The following ANKAR variants were observed in gnomAD, a reference collection of about 807,000 sequenced individuals.
The protein encoded by ANKAR is ankyrin and armadillo repeat containing.
In ANKAR, 136 loss-of-function variants were observed where a neutral mutation model predicts 146.2. The observed-to-expected ratio is 0.93, with a 90% CI of 0.81 to 1.07. The LOEUF (loss-of-function observed/expected upper bound fraction) is 1.07. Ranked by LOEUF, ANKAR falls within the 50% of genes least tolerant of loss-of-function variation. The pLI is 0.00. For missense variants in ANKAR, 1,567 were observed against 1,679.9 expected (o/e 0.93, Z 1.18); for synonymous variants, 500 against 575.8 (o/e 0.87, Z 1.88).
chr2:189,699,044 A>G (rs900334665), intron 7 of ANKAR, among the ~76,000 whole-genome samples: 1 of 152,162 alleles, frequency 6.6e-6, no homozygotes, highest in African/African-American at 2.4e-5. Flanking sequence ...AAAGCTCCAT[A>G]AAGGACAAGG....
intron 22 of ANKAR, among the ~76,000 whole-genome samples, chr2:189,745,952 GT>G (rs1249929153): frequency 6.6e-6 from 1 of 152,034 alleles, no homozygotes; most frequent in Non-Finnish European, 1.5e-5. Context: ...TTTAACACTG[GT>G]TTCTAAACAA....
chr2:189,709,952 A>G (rs1335792063), intron 9 of ANKAR, among the ~76,000 whole-genome samples: 1 of 152,192 alleles, frequency 6.6e-6, no homozygotes, highest in Non-Finnish European at 1.5e-5. Context: ...TTGTGGGGGA[A>G]GTCCTGACAA....
intron 5 of ANKAR, 134 bp from the exon 6 acceptor site, chr2:189,694,847 C>A: frequency 2.0e-6 from 1 of 512,172 alleles, no homozygotes; most frequent in South Asian, 5.1e-5. Context: ...AATATACTTA[C>A]AGTTGACTAC....
chr2:189,716,381 G>A (rs543779926), intron 10 of ANKAR, among the ~76,000 whole-genome samples: 2,774 of 151,930 alleles, frequency 0.018, 98 homozygotes, highest in African/African-American at 0.064. Flanking sequence ...CCAACTTACA[G>A]GGGATGTGAA....
At chr2:189,751,397 T>C (rs891142625), downstream of ANKAR, among the ~76,000 whole-genome samples, 8 of 151,830 alleles carry the variant, frequency 5.3e-5, no homozygotes, top group African/African-American at 9.7e-5. Context: ...ATGTAATTCA[T>C]ATATAGCACA....
rs192655210 is a variant in ANKAR, at chr2:189,721,433, A to G, written c.2635+646A>G. Among the ~76,000 whole-genome samples the G allele has an allele frequency of 3.8e-3, 585 of 152,336 alleles. 2 individuals are homozygous for G. Among genetic ancestry groups the G allele is most frequent in the Non-Finnish European group, 6.4e-3 (434 of 68,024 alleles). ...ATACATATAATATGCCTAGGAGAGTATATGCTACCTTGGGTGAATAGTACA... is the reference window on the plus strand; with the variant it reads ...ATACATATAATATGCCTAGGAGAGTGTATGCTACCTTGGGTGAATAGTACA... On this transcript the variant is annotated intron_variant, in intron 12 of 22. Transcript: ENST00000684021.
chr2:189,710,547 C>T (rs530175852), intron 9 of ANKAR, among the ~76,000 whole-genome samples: 1 of 152,294 alleles, frequency 6.6e-6, no homozygotes, highest in Non-Finnish European at 1.5e-5. Flanking sequence ...TGCCTGTAAT[C>T]CTACCACTTT....
chr2:189,750,458 A>T (rs529091230), downstream of ANKAR: 1,127 of 585,530 alleles, frequency 1.9e-3, 6 homozygotes, highest in African/African-American at 0.017. Context: ...ATAGAAAAAA[A>T]AAAATAAAAT....
chr2:189,757,978 A>G (rs921563410), intron 18 of ANKAR, among the ~76,000 whole-genome samples: 1 of 152,210 alleles, frequency 6.6e-6, no homozygotes, highest in Non-Finnish European at 1.5e-5. Context: ...GTAGAATGGT[A>G]ATTCCCAATG....
intron 9 of ANKAR, among the ~76,000 whole-genome samples, chr2:189,709,161 A>G (rs1277651449): frequency 6.6e-6 from 1 of 152,234 alleles, no homozygotes; most frequent in Non-Finnish European, 1.5e-5. Flanking sequence ...AGACACGACC[A>G]TAGTACATTA....
At chr2:189,703,508 A>G (rs1294676217) in intron 7 of ANKAR, among the ~76,000 whole-genome samples, 1 of 152,232 alleles carries the variant, frequency 6.6e-6, no homozygotes, top group Non-Finnish European at 1.5e-5. Context: ...AGGGAAGGAT[A>G]GTAGTTCAAT....
chr2:189,719,231 C>T (rs2256719), intron 10 of ANKAR, among the ~76,000 whole-genome samples: 149,467 of 152,300 alleles, frequency 0.98, 73,403 homozygotes, highest in South Asian at 1. Context: ...ATAACCAAAA[C>T]TGACCTGTAC....
At chr2:189,754,350 CAAAG>C (rs747766309) in intron 18 of ANKAR, 1 of 1,587,932 alleles carries the variant, frequency 6.3e-7, no homozygotes. Flanking sequence ...TGCCACCTAT[CAAAG>C]AAACATATTT....
intron 7 of ANKAR, 121 bp from the exon 8 acceptor site, chr2:189,704,902 T>G: frequency 1.2e-6 from 1 of 862,458 alleles, no homozygotes; most frequent in Non-Finnish European, 1.7e-6. Context: ...TTTTAATGCT[T>G]ACTTTGGAGA....
chr2:189,729,724 TG>T (rs1481538747), intron 15 of ANKAR, among the ~76,000 whole-genome samples: 2 of 8,364 alleles, frequency 2.4e-4, no homozygotes, highest in East Asian at 4.3e-3. Context: ...GTGGTGCGGG[TG>T]GGGGGTTTGT....
intron 10 of ANKAR, among the ~76,000 whole-genome samples, chr2:189,715,923 T>C (rs1458834305): frequency 2.0e-5 from 3 of 152,226 alleles, no homozygotes; most frequent in Non-Finnish European, 2.9e-5. Context: ...AAACTAGGTA[T>C]TGATGGAATG....
At chr2:189,708,245 C>T (rs1176542895) in intron 9 of ANKAR, among the ~76,000 whole-genome samples, 3 of 152,164 alleles carry the variant, frequency 2.0e-5, no homozygotes, top group African/African-American at 4.8e-5. Flanking sequence ...GTTTTGGTTA[C>T]CTGCAGTACA....
intron 19 of ANKAR, among the ~76,000 whole-genome samples, chr2:189,740,194 C>T (rs1157420904): frequency 2.0e-5 from 3 of 151,552 alleles, no homozygotes; most frequent in African/African-American, 7.4e-5. Flanking sequence ...GGAGTTCCTC[C>T]TTCTACTCCT....
chr2:189,747,890 T>C (rs1034322502), downstream of ANKAR, among the ~76,000 whole-genome samples: 2 of 152,194 alleles, frequency 1.3e-5, no homozygotes, highest in African/African-American at 2.4e-5. Context: ...TTCACCATGT[T>C]GGCCAGGCTG....
Sources: gnomAD v4.1 joint callset for allele counts (sites outside exome capture counted in the v4.1 genomes callset) on GRCh38, gnomAD v4.1.1 for gene constraint, MANE v1.5 for transcripts, NCBI Gene and HGNC (gene_info 2026-07-23, HGNC 2026-07-21) for gene names.